The following HGS variants were observed in gnomAD, a reference collection of about 807,000 sequenced individuals.
HGS encodes hepatocyte growth factor-regulated tyrosine kinase substrate.
Under a neutral mutation model 109.7 loss-of-function variants are expected in HGS, and 63 were observed. That is an observed-to-expected ratio of 0.57 (90% CI 0.47 to 0.71). The LOEUF is 0.71. HGS is among the 30% of genes least tolerant of loss of function. The pLI, the probability that HGS is intolerant of heterozygous loss-of-function variation, is 0.00. For synonymous variants in HGS, 546 were observed against 437.3 expected (o/e 1.25, Z -3.10); for missense variants, 995 against 1,068.3 (o/e 0.93, Z 0.96).
intron 4 of HGS, among the ~76,000 whole-genome samples, chr17:81,687,655 G>T (rs1423528585): frequency 6.6e-6 from 1 of 152,228 alleles, no homozygotes; most frequent in African/African-American, 2.4e-5. Context: ...GGGGACATCT[G>T]CAGGGATTGT....
At position 81,684,038 on chromosome 17, in the gene HGS, G is replaced by A. The variant is rs753903291; in HGVS notation, c.-29G>A. On this transcript the variant is annotated 5_prime_UTR_variant, in exon 1 of 22. Transcript: ENST00000329138. ...GCCAGCTCGTAGCAGGGGAGCGCCC[G>A]CGGCGTCGGGTTTGGGCTGGAGGTC... is the stretch of plus-strand genomic sequence containing the variant. 3 of 1,583,818 alleles carry A rather than the reference G, an allele frequency of 1.9e-6. No individual in the cohort carries two copies. Among genetic ancestry groups the A allele is most frequent in the East Asian group, 2.3e-5 (1 of 43,812 alleles).
Position 81,701,575 on chromosome 17 carries a change from C to G in HGS, c.2291C>G (p.Pro764Arg). The G allele has an allele frequency of 6.4e-7, 1 of 1,571,506 alleles. No homozygotes were observed. The highest frequency in any genetic ancestry group is 8.6e-7 in the Non-Finnish European group (1 of 1,165,838). Residue 764 changes from proline (P) to arginine (R), a missense_variant, in exon 22 of 22, where the codon CCG becomes CGG. Physicochemically the swap from Pro to Arg is moderately radical, Grantham distance 103. This residue lies in a region of HGS where 326 missense variants were observed against 309.7 expected (regional missense o/e 1.05). Coordinates refer to ENST00000329138, the MANE Select transcript of HGS (RefSeq NM_004712.5). ...GCCCAGCAACCGCAGGCACAGGGGC[C>G]GCCGGCACAGGGCAGCGAGGCCCAG... The part of the protein sequence containing the change: ...PVAQQPQAQG[P>R]PAQGSEAQLI...
intron 18 of HGS, 150 bp downstream of exon 18, chr17:81,697,148 C>T (rs756668465): frequency 2.8e-5 from 24 of 846,664 alleles, no homozygotes; most frequent in Admixed American, 6.0e-5. Context: ...TCCATGCAAA[C>T]GCACTCACAC....
At chr17:81,692,842 T>G (rs2037085566) in intron 8 of HGS, 2 of 152,240 alleles carry the variant, frequency 1.3e-5, no homozygotes, top group African/African-American at 4.8e-5. Context: ...ATACTTAAAA[T>G]TTTTGTATTT....
At chr17:81,701,288 G>T (rs1172270590) in intron 21 of HGS, 157 bp downstream of exon 21, 1 of 808,712 alleles carries the variant, frequency 1.2e-6, no homozygotes, top group Admixed American at 2.3e-5. Flanking sequence ...ACAGAACGAG[G>T]ACACAAGTCT....
intron 20 of HGS, 30 bp from the exon 21 acceptor site, chr17:81,701,015 T>TA: frequency 1.3e-6 from 2 of 1,597,818 alleles, no homozygotes; most frequent in Non-Finnish European, 1.7e-6. Flanking sequence ...ACAGGGCTAC[T>TA]CTCTCACATC....
intron 10 of HGS, 50 bp from the exon 11 acceptor site, chr17:81,693,819 CG>C: frequency 1.3e-6 from 2 of 1,560,030 alleles, no homozygotes; most frequent in Admixed American, 3.7e-5. Flanking sequence ...GCGGTGGGGC[CG>C]GAGGGGCGTC....
At chr17:81,689,030 C>T (rs2037025579) in intron 5 of HGS, among the ~76,000 whole-genome samples, 3 of 152,216 alleles carry the variant, frequency 2.0e-5, no homozygotes, top group African/African-American at 7.2e-5. Flanking sequence ...CCACGGCCCA[C>T]GGGCAGGGGC....
intron 18 of HGS, chr17:81,698,431 C>T (rs1188813854): frequency 6.6e-6 from 1 of 152,294 alleles, no homozygotes; most frequent in Non-Finnish European, 1.5e-5. Flanking sequence ...AGCCCCGTTA[C>T]TTTGATGCTC....
In HGS at chr17:81,695,207, G is replaced by A. The variant is rs775564483; in HGVS notation, c.1163G>A (p.Gly388Asp). The A allele has an allele frequency of 6.2e-7, 1 of 1,614,052 alleles. No homozygotes were observed. The highest frequency in any genetic ancestry group is 1.3e-5 in the African/African-American group (1 of 74,934). The change falls in exon 14 of 22, where the codon GGT (glycine) becomes GAT (aspartate). Residue 388 changes from glycine to aspartate, a missense_variant. By Grantham distance (94) the Gly-to-Asp change is moderately conservative. Around this residue, in one of 6 missense-constraint regions of HGS, gnomAD observed 300 missense variants for 235.4 expected, o/e 1.27. Transcript: ENST00000329138. ...GACTCTCAGCCCATTCCTCCCTCTG[G>A]TGGCCCCTTTAGTGAGGTAAGCTGT... ...ETDSQPIPPS[G>D]GPFSEPQFHN...
chr17:81,696,368 G>T lies in HGS; in HGVS notation c.1405G>T (p.Gly469Trp). The T allele has an allele frequency of 6.3e-7, 1 of 1,585,352 alleles. No individual in the cohort carries two copies. The highest frequency in any genetic ancestry group is 8.6e-7 in the Non-Finnish European group (1 of 1,168,432). Residue 469 changes from glycine to tryptophan, a missense_variant, in exon 16 of 22, where the codon GGG (glycine) becomes TGG (tryptophan). By Grantham distance (184) the Gly-to-Trp change is radical. Transcript: ENST00000329138. ...TCATCTGCCCACAGTGTACTATGAG[G>T]GGCTGCAGGACAAGCTGGCACAGAT... The part of the protein sequence containing the change: ...QLDERRLYYE[G>W]LQDKLAQIRD...
chr17:81,694,086 G>A, intron 11 of HGS, 121 bp downstream of exon 11: 2 of 795,674 alleles, frequency 2.5e-6, no homozygotes, highest in Non-Finnish European at 3.9e-6. Flanking sequence ...GCTTCCCAGA[G>A]AGGACAGCCC....
chr17:81,698,572 G>C (rs540075276), intron 18 of HGS, among the ~76,000 whole-genome samples: 1 of 152,188 alleles, frequency 6.6e-6, no homozygotes, highest in East Asian at 1.9e-4. Flanking sequence ...AACCCTGGAA[G>C]CAGCCATTTC....
chr17:81,694,590 T>C (rs2037115097), intron 11 of HGS, among the ~76,000 whole-genome samples: 1 of 152,174 alleles, frequency 6.6e-6, no homozygotes, highest in Non-Finnish European at 1.5e-5. Context: ...ATAGCAAGGT[T>C]AGGAGCCTTG....
rs766313878 is a variant in HGS at position 81,695,878 on chromosome 17, G to A, written c.1272G>A (p.Lys424=). The change falls in exon 15 of 22, where the codon AAG becomes AAA. Residue 424 remains lysine (K), a synonymous_variant. Coordinates refer to ENST00000329138, the MANE Select transcript of HGS (RefSeq NM_004712.5). ...NAVTTFVNRM[K]SNHMRGRSIT... ...TCACCACCTTCGTGAACCGCATGAA[G>A]AGTAACCACATGCGGGGCCGCAGCA... The A allele has an allele frequency of 3.6e-5, 58 of 1,613,426 alleles. No homozygotes were observed. The highest frequency in any genetic ancestry group is 4.8e-5 in the Non-Finnish European group (57 of 1,179,868).
rs543987303 is a variant in HGS at position 81,699,155 on chromosome 17, C to T, written c.1883-1312C>T. ...TTTCTTTTGCATTGTTTTCAATATA[C>T]TCAATTGCTCAGCCCTAGAATACAC... is the stretch of plus-strand genomic sequence containing the variant. On this transcript the variant is annotated intron_variant, in intron 18 of 21. Transcript: ENST00000329138. Among the ~76,000 whole-genome samples the T allele has an allele frequency of 4.6e-5, 7 of 152,136 alleles. No homozygotes were observed. In the East Asian group the frequency reaches 1.4e-3, roughly 29 times the overall value.
At position 81,693,905 on chromosome 17, in the gene HGS, G is replaced by A. The variant is rs147533416; in HGVS notation, c.876G>A (p.Ala292=). 2.7e-5 allele frequency: 44 copies of A among 1,611,568 alleles called. 1 individual carries two copies. The highest frequency in any genetic ancestry group is 1.7e-4 in the Middle Eastern group (1 of 6,054). ...CCACGTACACTTCGTACCCCAAGGC[G>A]GAGCCCATGCCCTCGGCCTCCTCAG... is the stretch of plus-strand genomic sequence containing the variant. ...QKSTYTSYPK[A]EPMPSASSAP... The change falls in exon 11 of 22, where the codon GCG becomes GCA. Residue 292 remains alanine, a synonymous_variant. Transcript: ENST00000329138.
chr17:81,701,268 T>C, intron 21 of HGS, 137 bp downstream of exon 21: 1 of 851,208 alleles, frequency 1.2e-6, no homozygotes. Context: ...CCGAGGCCCC[T>C]TCTCAGCAGA....
At chr17:81,699,388 G>T (rs757292502) in intron 18 of HGS, among the ~76,000 whole-genome samples, 1 of 152,134 alleles carries the variant, frequency 6.6e-6, no homozygotes, top group Non-Finnish European at 1.5e-5. Context: ...CATTTTTTCT[G>T]ATTTCATTCC....
Sources: allele counts gnomAD v4.1 joint callset (sites outside exome capture counted in the v4.1 genomes callset), GRCh38; gene constraint gnomAD v4.1.1; regional missense constraint gnomAD v4.1.1; transcripts MANE v1.5; gene names NCBI Gene and HGNC (gene_info 2026-07-23, HGNC 2026-07-21).